Variants in DLGAP1 observed in about 807,000 individuals in gnomAD.
DLGAP1 encodes the protein disks large-associated protein 1.
Under a neutral mutation model 90.8 loss-of-function variants are expected in DLGAP1, and 11 were observed. The ratio of observed to expected loss-of-function variants is 0.12; its 90% confidence interval spans 0.08 to 0.20. The LOEUF (loss-of-function observed/expected upper bound fraction) is 0.20. Among genes scored for constraint, DLGAP1 ranks in the 10% least tolerant of loss-of-function variants. DLGAP1 has a pLI of 1.00. For synonymous variants in DLGAP1, 558 were observed against 540.7 expected, an observed-to-expected ratio of 1.03 and a Z score of -0.44; for missense variants, 1,050 against 1,333.8, an observed-to-expected ratio of 0.79 and a Z score of 3.31.
rs143899709 is a variant in DLGAP1, at chr18:4,322,821, C to T, written c.-267+132185G>A. 5.7e-4 allele frequency among the ~76,000 whole-genome samples: 87 copies of T among 151,684 alleles called. No homozygotes were observed. In the East Asian group the frequency reaches 0.013, roughly 23 times the overall value. On this transcript the variant is annotated intron_variant, in intron 1 of 12. Transcript: ENST00000315677. ...CGAAAAAATACAAAAATTAGCCAGGCGTTTTGGCGGGCGCCTGTAGTCCCA... is the reference window on the plus strand; with the variant it reads ...CGAAAAAATACAAAAATTAGCCAGGTGTTTTGGCGGGCGCCTGTAGTCCCA...
At chr18:3,763,405 A>G (rs2064062759) in intron 5 of DLGAP1, among the ~76,000 whole-genome samples, 2 of 152,086 alleles carry the variant, frequency 1.3e-5, no homozygotes, top group South Asian at 4.1e-4. Flanking sequence ...CAGCTTGCAG[A>G]TAGTTTATTG....
At chr18:4,321,658 AT>A (rs1483629232) in intron 1 of DLGAP1, among the ~76,000 whole-genome samples, 1 of 152,248 alleles carries the variant, frequency 6.6e-6, no homozygotes, top group Non-Finnish European at 1.5e-5. Context: ...TCTGAAACAA[AT>A]ACTAAACCAA....
chr18:3,837,614 C>T (rs1046458770), intron 4 of DLGAP1, among the ~76,000 whole-genome samples: 4 of 151,878 alleles, frequency 2.6e-5, no homozygotes, highest in African/African-American at 4.8e-5. Flanking sequence ...TTCGGGAGGC[C>T]GAGGTTGGTA....
chr18:3,671,942 T>A (rs2060100367), intron 7 of DLGAP1, among the ~76,000 whole-genome samples: 1 of 152,138 alleles, frequency 6.6e-6, no homozygotes, highest in Non-Finnish European at 1.5e-5. Flanking sequence ...TCCTTCCAAT[T>A]GCCAACAGAG....
intron 4 of DLGAP1, among the ~76,000 whole-genome samples, chr18:3,853,471 A>G (rs746143595): frequency 6.6e-6 from 1 of 151,942 alleles, no homozygotes; most frequent in African/African-American, 2.4e-5. Context: ...ATAATTGCCT[A>G]CAGTATTCAG....
intron 1 of DLGAP1, among the ~76,000 whole-genome samples, chr18:4,240,100 T>C (rs1184543430): frequency 6.6e-6 from 1 of 152,238 alleles, no homozygotes; most frequent in Non-Finnish European, 1.5e-5. Context: ...AATAGTCCTT[T>C]ACTGAAATGC....
intron 4 of DLGAP1, among the ~76,000 whole-genome samples, chr18:3,837,837 G>A (rs1447577589): frequency 9.7e-6 from 1 of 102,636 alleles, no homozygotes; most frequent in Non-Finnish European, 1.8e-5. Flanking sequence ...GGGCGACAGA[G>A]TGAGATTCTG....
chr18:4,223,278 A>G (rs1212836693), intron 1 of DLGAP1, among the ~76,000 whole-genome samples: 1 of 152,192 alleles, frequency 6.6e-6, no homozygotes, highest in Non-Finnish European at 1.5e-5. Context: ...AAACATGTTT[A>G]TGCAGGAATA....
chr18:4,007,014 T>C (rs746106002), intron 2 of DLGAP1, among the ~76,000 whole-genome samples: 7 of 152,078 alleles, frequency 4.6e-5, no homozygotes, highest in South Asian at 2.1e-4. Flanking sequence ...ATACAGTAAT[T>C]GTATAGAAAT....
At chr18:4,411,804 G>C (rs1012521821) in intron 1 of DLGAP1, among the ~76,000 whole-genome samples, 8 of 152,072 alleles carry the variant, frequency 5.3e-5, no homozygotes, top group African/African-American at 1.7e-4. Context: ...CATGTTGCTC[G>C]GGCACCTAAC....
At chr18:4,186,890 T>C (rs1313886922) in intron 1 of DLGAP1, among the ~76,000 whole-genome samples, 3 of 152,150 alleles carry the variant, frequency 2.0e-5, no homozygotes, top group African/African-American at 4.8e-5. Context: ...ATTCTTCCTA[T>C]CCACAAGCAT....
intron 5 of DLGAP1, among the ~76,000 whole-genome samples, chr18:3,766,980 A>T (rs1037548944): frequency 6.6e-6 from 1 of 152,156 alleles, no homozygotes; most frequent in African/African-American, 2.4e-5. Flanking sequence ...AAAGAATCAA[A>T]GTTCTTCTTT....
chr18:3,527,417 T>G (rs1051769848), intron 10 of DLGAP1, among the ~76,000 whole-genome samples: 4 of 147,122 alleles, frequency 2.7e-5, no homozygotes, highest in African/African-American at 1.0e-4. Context: ...AAACTTTTTT[T>G]TTTTTTTTTT....
intron 1 of DLGAP1, among the ~76,000 whole-genome samples, chr18:4,209,252 G>A (rs772582311): frequency 2.0e-5 from 3 of 152,122 alleles, no homozygotes; most frequent in African/African-American, 4.8e-5. Flanking sequence ...GGCAGCCTGA[G>A]AGCTGCCAGG....
At chr18:3,654,262 G>A (rs907943658) in intron 7 of DLGAP1, among the ~76,000 whole-genome samples, 2 of 152,108 alleles carry the variant, frequency 1.3e-5, no homozygotes, top group East Asian at 3.9e-4. Context: ...AGAGGCTGCC[G>A]GACTAGCCCC....
chr18:4,000,534 T>C (rs2074161475), intron 3 of DLGAP1, among the ~76,000 whole-genome samples: 1 of 152,214 alleles, frequency 6.6e-6, no homozygotes, highest in African/African-American at 2.4e-5. Flanking sequence ...GCCAGTTCTA[T>C]TGTCGATGAT....
At position 3,727,450 on chromosome 18, in the gene DLGAP1, C is replaced by T. The variant is rs531727645; in HGVS notation, c.1591+1685G>A. On this transcript the variant is annotated intron_variant, in intron 7 of 12. Coordinates refer to ENST00000315677, the MANE Select transcript of DLGAP1 (RefSeq NM_004746.4). The surrounding 1 kb of genome is among the most constrained non-coding windows in gnomAD (Gnocchi z 4.7). ...AGTGAGCCACCAGCCCTTTCCTTCC[C>T]GACTGTTCTCCTGAGAGCACCCCTT... 3.3e-5 allele frequency among the ~76,000 whole-genome samples: 5 copies of T among 152,234 alleles called. No individual in the cohort carries two copies. Among genetic ancestry groups the T allele is most frequent in the South Asian group, 2.1e-4 (1 of 4,826 alleles).
At position 3,499,191 on chromosome 18, in the gene DLGAP1, C is replaced by G; in HGVS notation, c.2928G>C (p.Arg976=). 6.3e-7 allele frequency: 1 copy of G among 1,578,480 alleles called. No individual in the cohort carries two copies. Among genetic ancestry groups the G allele is most frequent in the Non-Finnish European group, 8.6e-7 (1 of 1,167,890 alleles). ...IEIYIPEAQT[R]L ...CGGCCGGGCTGCGGGGCGCTCAGAG[C>G]CGGGTCTGCGCCTCGGGGATGTAGA... Residue 976 remains arginine, a synonymous_variant, in exon 13 of 13, where the codon CGG becomes CGC. Transcript: ENST00000315677. The surrounding 1 kb of genome is among the most constrained non-coding windows in gnomAD (Gnocchi z 6.4).
chr18:3,600,620 A>G (rs1240658784), intron 7 of DLGAP1, among the ~76,000 whole-genome samples: 3 of 150,320 alleles, frequency 2.0e-5, no homozygotes, highest in Non-Finnish European at 3.0e-5. Flanking sequence ...CACAGTGTGG[A>G]ATGATGTCTA....
Sources: gnomAD v4.1 joint callset for allele counts (sites outside exome capture counted in the v4.1 genomes callset) on GRCh38, gnomAD v4.1.1 for gene constraint, Gnocchi (gnomAD v3.1) non-coding constraint, MANE v1.5 for transcripts, NCBI Gene and HGNC (gene_info 2026-07-23, HGNC 2026-07-21) for gene names.